The following UNC13C variants were observed in gnomAD, a reference collection of about 807,000 sequenced individuals.
UNC13C encodes the protein protein unc-13 homolog C.
A neutral mutation model predicts 245.4 loss-of-function variants in UNC13C; 174 were observed. That is an observed-to-expected ratio of 0.71 (90% CI 0.63 to 0.80). The LOEUF (loss-of-function observed/expected upper bound fraction) is 0.80, where lower values mean the gene tolerates loss of function less well. UNC13C is among the 30% of genes least tolerant of loss of function. The probability of loss-of-function intolerance (pLI) is 0.00; values close to 1 mark genes in which losing one functional copy is unlikely to be tolerated. For synonymous variants in UNC13C, 992 were observed against 895.1 expected (o/e 1.11, Z -1.93); for missense variants, 2,829 against 2,602.9 (o/e 1.09, Z -1.89).
chr15:54,398,748 T>C (rs2140925891), intron 18 of UNC13C, among the ~76,000 whole-genome samples: 1 of 151,480 alleles, frequency 6.6e-6, no homozygotes, highest in East Asian at 1.9e-4. Context: ...TTCCATCATG[T>C]AGTTGTTTAT....
chr15:53,964,584 C>A, the UNC13C span, among the ~76,000 whole-genome samples: 12 of 152,166 alleles, frequency 7.9e-5, no homozygotes, highest in East Asian at 1.9e-4. Flanking sequence ...TTTGCACCAA[C>A]CTAATAAATT....
Position 54,472,862 on chromosome 15 carries a change from T to G in UNC13C, c.4934-21746T>G, listed in dbSNP as rs1596443960. On this transcript the variant is annotated intron_variant, in intron 19 of 32. Transcript: ENST00000260323. ...CTTGTTTCCTTTTTTAAAAATAATT[T>G]AAACATGTATTTCATATTTGGGGAG... Among the ~76,000 whole-genome samples the G allele has an allele frequency of 7.9e-5, 12 of 152,078 alleles. 1 individual carries two copies. The highest frequency in any genetic ancestry group is 2.9e-4 in the African/African-American group (12 of 41,528).
Position 54,210,610 on chromosome 15 carries a change from T to A in UNC13C, c.3072-24420T>A, listed in dbSNP as rs1380532846. On this transcript the variant is annotated intron_variant, in intron 4 of 32. Transcript: ENST00000260323. Reference sequence around the variant, plus strand: ...TATATGTTTATATGTCTCTTTAAGGTCAAGAATAAACTTATTTTATGTTCT... The same window carrying A: ...TATATGTTTATATGTCTCTTTAAGGACAAGAATAAACTTATTTTATGTTCT... Among the ~76,000 whole-genome samples, 3 of 152,146 alleles carry A rather than the reference T, an allele frequency of 2.0e-5. No individual in the cohort carries two copies. In the East Asian group the frequency reaches 5.8e-4, roughly 29 times the overall value.
chr15:54,468,967 G>A (rs187463407), intron 19 of UNC13C, among the ~76,000 whole-genome samples: 34 of 151,504 alleles, frequency 2.2e-4, no homozygotes, highest in African/African-American at 6.5e-4. Flanking sequence ...CTCTATTTCC[G>A]TGAAGAATAG....
At chr15:53,988,924 T>C (rs555614660) in intron 1 of UNC13C, among the ~76,000 whole-genome samples, 1 of 152,122 alleles carries the variant, frequency 6.6e-6, no homozygotes, top group Admixed American at 6.6e-5. Context: ...AAAGTGTCGG[T>C]ATCTCCATAT....
chr15:54,050,815 G>T, intron 2 of UNC13C: 2 of 589,038 alleles, frequency 3.4e-6, no homozygotes, highest in Non-Finnish European at 6.6e-6. Flanking sequence ...CAGTAGTCCA[G>T]CCTACACAGC....
intron 2 of UNC13C, chr15:54,049,640 A>T (rs528923603): frequency 5.6e-5 from 14 of 250,468 alleles, no homozygotes; most frequent in Non-Finnish European, 9.4e-5. Context: ...AACATGCCCA[A>T]TTCCACACAC....
chr15:54,357,994 C>CT (rs1461165507), intron 17 of UNC13C, among the ~76,000 whole-genome samples: 2 of 152,020 alleles, frequency 1.3e-5, no homozygotes, highest in Non-Finnish European at 2.9e-5. Context: ...TCTATTAACT[C>CT]TTTTTATTTA....
chr15:54,178,796 G>T (rs1022869864), intron 4 of UNC13C, among the ~76,000 whole-genome samples: 3 of 152,116 alleles, frequency 2.0e-5, no homozygotes, highest in African/African-American at 4.8e-5. Flanking sequence ...CATGCTGAAG[G>T]CCTGGGAGCT....
chr15:54,208,018 A>G (rs1055915090), intron 4 of UNC13C, among the ~76,000 whole-genome samples: 27 of 152,260 alleles, frequency 1.8e-4, no homozygotes, highest in East Asian at 1.2e-3. Context: ...TTGGCTTACA[A>G]TTCTGAAAGC....
At chr15:54,348,146 A>G (rs2038901790) in intron 17 of UNC13C, among the ~76,000 whole-genome samples, 1 of 152,196 alleles carries the variant, frequency 6.6e-6, no homozygotes, top group African/African-American at 2.4e-5. Flanking sequence ...CAGCATGTAC[A>G]GCAATTTACA....
intron 2 of UNC13C, among the ~76,000 whole-genome samples, chr15:54,029,315 G>T (rs138881467): frequency 3.4e-4 from 52 of 152,314 alleles, no homozygotes; most frequent in African/African-American, 1.2e-3. Flanking sequence ...AACATTTATT[G>T]AGTGCTAGTA....
the UNC13C span, among the ~76,000 whole-genome samples, chr15:53,888,960 G>A: frequency 6.6e-6 from 1 of 152,150 alleles, no homozygotes; most frequent in Non-Finnish European, 1.5e-5. Context: ...TAGCCTCGTA[G>A]TATTGTTTGA....
chr15:54,093,464 G>A (rs1464644289), intron 2 of UNC13C, among the ~76,000 whole-genome samples: 1 of 152,206 alleles, frequency 6.6e-6, no homozygotes, highest in East Asian at 1.9e-4. Context: ...AACAACTAAT[G>A]AAAAGCCTGA....
intron 11 of UNC13C, among the ~76,000 whole-genome samples, chr15:54,296,262 G>A (rs1397782545): frequency 5.9e-5 from 9 of 151,984 alleles, no homozygotes; most frequent in Admixed American, 3.3e-4. Context: ...GGGCAGTGTC[G>A]CGATCTTGGC....
At chr15:54,243,108 G>A (rs10152151) in intron 7 of UNC13C, among the ~76,000 whole-genome samples, 1 of 152,094 alleles carries the variant, frequency 6.6e-6, no homozygotes, top group African/African-American at 2.4e-5. Context: ...GCATCTATTA[G>A]CTATTCTTCC....
At chr15:54,003,745 G>T (rs529885297) in intron 1 of UNC13C, among the ~76,000 whole-genome samples, 15 of 152,300 alleles carry the variant, frequency 9.8e-5, no homozygotes, top group African/African-American at 3.6e-4. Flanking sequence ...GGGCGCGGTG[G>T]CTTAAGCCTG....
intron 30 of UNC13C, among the ~76,000 whole-genome samples, chr15:54,584,849 A>G (rs1898404829): frequency 6.6e-6 from 1 of 152,228 alleles, no homozygotes; most frequent in Non-Finnish European, 1.5e-5. Flanking sequence ...ACTTATATAG[A>G]GAGTAAGTGG....
chr15:54,031,224 T>C (rs1474187807), intron 2 of UNC13C, among the ~76,000 whole-genome samples: 1 of 152,206 alleles, frequency 6.6e-6, no homozygotes, highest in East Asian at 1.9e-4. Context: ...ATAAAGATAT[T>C]TAGGCATTGG....
Sources: gnomAD v4.1 joint callset for allele counts (sites outside exome capture counted in the v4.1 genomes callset) on GRCh38, gnomAD v4.1.1 for gene constraint, MANE v1.5 for transcripts, NCBI Gene and HGNC (gene_info 2026-07-23, HGNC 2026-07-21) for gene names.